TJP3: variants seen among roughly 807,000 people sequenced by gnomAD.
TJP3 encodes the protein tight junction protein ZO-3.
Under a neutral mutation model 104.2 loss-of-function variants are expected in TJP3, and 85 were observed. The observed-to-expected ratio is 0.82, with a 90% CI of 0.68 to 0.98. The LOEUF is 0.98. Among genes scored for constraint, TJP3 ranks in the 50% least tolerant of loss-of-function variants. TJP3 has a pLI of 0.00. For synonymous variants in TJP3, 550 were observed against 550.6 expected (o/e 1.00, Z 0.02); for missense variants, 1,367 against 1,322.8 (o/e 1.03, Z -0.52).
In TJP3 at chr19:3,735,616, C is replaced by A. The variant is rs781564316; in HGVS notation, c.1037C>A (p.Ser346Ter). 6.2e-7 allele frequency: 1 copy of A among 1,614,088 alleles called. No individual in the cohort carries two copies. ...AGTTCAGTAGATTCCAGAACCATCT[C>A]GGAACCAGATGAGCAACGGTCAGGT... ...RESSVDSRTI[S>*]EPDEQRSELP... Residue 346 changes from serine (S) to a stop codon, truncating the protein, a stop_gained, in exon 9 of 21, where the codon TCG becomes TAG. Coordinates refer to ENST00000541714, the MANE Select transcript of TJP3 (RefSeq NM_001267560.2). LOFTEE classifies it high-confidence loss of function.
At chr19:3,713,113 C>T (rs938703057) in intron 1 of TJP3, among the ~76,000 whole-genome samples, 17 of 152,104 alleles carry the variant, frequency 1.1e-4, no homozygotes, top group African/African-American at 3.9e-4. Flanking sequence ...CTCCCCAGGA[C>T]GCCAAACCCT....
At position 3,730,475 on chromosome 19, in the gene TJP3, C is replaced by T. The variant is rs760644043; in HGVS notation, c.382C>T (p.Arg128Trp). The T allele has an allele frequency of 7.5e-5, 119 of 1,584,004 alleles. No individual in the cohort carries two copies. Among genetic ancestry groups the T allele is most frequent in the Non-Finnish European group, 9.4e-5 (109 of 1,165,698 alleles). The change falls in exon 5 of 21, where the codon CGG becomes TGG. Residue 128 changes from arginine (R) to tryptophan (W), a missense_variant. By Grantham distance (101) the Arg-to-Trp change is moderately radical. Transcript: ENST00000541714. This position sits in a 1 kb window ranked among gnomAD's most constrained non-coding sequence, Gnocchi z 7.3. ...PQRVEEVDQG[R>W]GYDGDSSSGS... ...GCGGGTGGAGGAGGTGGACCAGGGCCGGGGCTATGACGGCGACTCATCCAG... is the reference window on the plus strand; with the variant it reads ...GCGGGTGGAGGAGGTGGACCAGGGCTGGGGCTATGACGGCGACTCATCCAG...
chr19:3,746,451 C>T lies in TJP3; in HGVS notation c.2011-34C>T, dbSNP rs746077566. On this transcript the variant is annotated intron_variant, in intron 16 of 20. Coordinates refer to ENST00000541714, the MANE Select transcript of TJP3 (RefSeq NM_001267560.2). The surrounding 1 kb of genome is among the most constrained non-coding windows in gnomAD (Gnocchi z 4.1). The stretch of plus-strand genomic sequence containing the variant: ...CTCTCTCTGTTTACCCTGCTGCAAT[C>T]CCCCTCACCCCAACGTCCGCCGGCC... 3 of 1,607,092 alleles carry T rather than the reference C, an allele frequency of 1.9e-6. No homozygotes were observed.
Position 3,730,003 on chromosome 19 carries a change from C to T in TJP3, c.159-25C>T, listed in dbSNP as rs141193922. 3.5e-4 allele frequency: 562 copies of T among 1,607,528 alleles called. 3 individuals carry two copies. The African/African-American group carries it at 6.8e-3, about 20-fold the overall frequency. ...AGGGTCTCCCCTGCAAAGCCTCCTCCGTAAGACCCGCCCTCCTCTCTCAGG... is the reference window on the plus strand; with the variant it reads ...AGGGTCTCCCCTGCAAAGCCTCCTCTGTAAGACCCGCCCTCCTCTCTCAGG... On this transcript the variant is annotated intron_variant, in intron 3 of 20. Coordinates refer to ENST00000541714, the MANE Select transcript of TJP3 (RefSeq NM_001267560.2). This position sits in a 1 kb window ranked among gnomAD's most constrained non-coding sequence, Gnocchi z 7.3.
chr19:3,709,606 TCCCCC>T (rs982577311), intron 1 of TJP3, among the ~76,000 whole-genome samples: 7 of 151,702 alleles, frequency 4.6e-5, no homozygotes, highest in African/African-American at 1.7e-4. Context: ...ACCAAGAGGG[TCCCCC>T]GGGGCCGAGG....
intron 1 of TJP3, chr19:3,721,724 G>C (rs1349176492): frequency 5.3e-6 from 2 of 379,746 alleles, no homozygotes; most frequent in African/African-American, 4.2e-5. Context: ...GGAGGAGGAA[G>C]AGGGGCAGGT....
At chr19:3,714,306 A>C (rs2036458138) in intron 1 of TJP3, among the ~76,000 whole-genome samples, 1 of 151,668 alleles carries the variant, frequency 6.6e-6, no homozygotes, top group African/African-American at 2.4e-5. Context: ...CAGCCCCCTG[A>C]GTAGCTGGGA....
intron 5 of TJP3, 107 bp from the exon 6 acceptor site, chr19:3,731,828 A>C (rs1036676690): frequency 1.3e-5 from 10 of 754,566 alleles, no homozygotes; most frequent in Non-Finnish European, 1.9e-5. Context: ...GATGCCATCA[A>C]GGTGTTAGGA....
At chr19:3,744,625 C>G (rs1487835608) in intron 15 of TJP3, among the ~76,000 whole-genome samples, 1 of 150,372 alleles carries the variant, frequency 6.7e-6, no homozygotes, top group East Asian at 2.0e-4. Context: ...GGTCATGCCA[C>G]TGCACTCCAG....
chr19:3,731,885 G>A, intron 5 of TJP3, 50 bp from the exon 6 acceptor site: 1 of 1,533,536 alleles, frequency 6.5e-7, no homozygotes, highest in Non-Finnish European at 8.9e-7. Context: ...AATGCTCCCA[G>A]GCACCCGTCT....
intron 13 of TJP3, among the ~76,000 whole-genome samples, 177 bp downstream of exon 13, chr19:3,739,311 G>A (rs1971608919): frequency 6.6e-6 from 1 of 152,180 alleles, no homozygotes; most frequent in Non-Finnish European, 1.5e-5. Context: ...GCAACATGGT[G>A]AAACCTCGTC....
chr19:3,728,327 T>A (rs780350583), intron 1 of TJP3, 97 bp from the exon 2 acceptor site: 1 of 1,592,404 alleles, frequency 6.3e-7, no homozygotes, highest in East Asian at 2.3e-5. Flanking sequence ...AACACAGGCC[T>A]GTCAGAGCTG....
chr19:3,744,102 T>C (rs2036855997), intron 15 of TJP3, 68 bp downstream of exon 15: 1 of 1,463,784 alleles, frequency 6.8e-7, no homozygotes, highest in East Asian at 2.3e-5. Context: ...TTGTGGGGGG[T>C]CGGGGGAGAG....
intron 1 of TJP3, among the ~76,000 whole-genome samples, chr19:3,712,259 T>TGAGCC (rs2036440939): frequency 6.6e-6 from 1 of 152,172 alleles, no homozygotes; most frequent in South Asian, 2.1e-4. Flanking sequence ...GAGGTTGCAG[T>TGAGCC]GAGCCGGGAT....
chr19:3,727,939 C>G (rs957288906), intron 1 of TJP3, among the ~76,000 whole-genome samples: 1 of 151,334 alleles, frequency 6.6e-6, no homozygotes, highest in South Asian at 2.1e-4. Context: ...GAGACTCCGC[C>G]TCAAAAAAAA....
rs746124568 is a variant in TJP3 at position 3,730,666 on chromosome 19, G to A, written c.573G>A (p.Lys191=). 13 of 1,610,838 alleles carry A rather than the reference G, an allele frequency of 8.1e-6. No individual in the cohort carries two copies. Among genetic ancestry groups the A allele is most frequent in the Non-Finnish European group, 9.3e-6 (11 of 1,179,986 alleles). Residue 191 remains lysine, a synonymous_variant, in exon 5 of 21, where the codon AAG becomes AAA. Transcript: ENST00000541714. This position sits in a 1 kb window ranked among gnomAD's most constrained non-coding sequence, Gnocchi z 7.3. ...KRLPRQDVQM[K]PVKSVLVKRR... is the part of the protein sequence containing the mutation. ...TGCCACGGCAGGACGTGCAGATGAA[G>A]CCTGTGAAGTCAGTGCTGGTGAAGA...
intron 13 of TJP3, among the ~76,000 whole-genome samples, chr19:3,739,468 A>G (rs773739555): frequency 3.3e-5 from 5 of 152,130 alleles, no homozygotes; most frequent in Non-Finnish European, 7.4e-5. Flanking sequence ...CCAGCCTGGC[A>G]ACAGAGTGAG....
intron 19 of TJP3, 86 bp downstream of exon 19, chr19:3,748,167 C>G: frequency 7.0e-6 from 10 of 1,435,766 alleles, no homozygotes; most frequent in Non-Finnish European, 8.3e-6. Flanking sequence ...AGCCTGTTTT[C>G]TACCAGGACG....
At chr19:3,739,610 C>T (rs1599159252) in intron 13 of TJP3, among the ~76,000 whole-genome samples, 1 of 152,214 alleles carries the variant, frequency 6.6e-6, no homozygotes, top group African/African-American at 2.4e-5. Flanking sequence ...CCTGTTGTTG[C>T]TGTAACAGAT....
Sources: allele counts gnomAD v4.1 joint callset (sites outside exome capture counted in the v4.1 genomes callset), GRCh38; gene constraint gnomAD v4.1.1; non-coding constraint Gnocchi (gnomAD v3.1); transcripts MANE v1.5; gene names NCBI Gene and HGNC (gene_info 2026-07-23, HGNC 2026-07-21).